The following ARHGEF1 variants were observed in gnomAD, a reference collection of about 807,000 sequenced individuals.
ARHGEF1 encodes 115 kDa guanine nucleotide exchange factor.
In ARHGEF1, 40 loss-of-function variants were observed where a neutral mutation model predicts 119.7. That is an observed-to-expected ratio of 0.33 (90% CI 0.26 to 0.44). ARHGEF1 has a LOEUF of 0.44. Ranked by LOEUF, ARHGEF1 falls within the 20% of genes least tolerant of loss-of-function variation. The pLI, the probability that ARHGEF1 is intolerant of heterozygous loss-of-function variation, is 1.00. For synonymous variants in ARHGEF1, 494 were observed against 521.0 expected (o/e 0.95, Z 0.71); for missense variants, 976 against 1,268.3 (o/e 0.77, Z 3.50).
Position 41,895,034 on chromosome 19 carries a change from A to G in ARHGEF1, c.878-315A>G, listed in dbSNP as rs540730436. 3.2e-5 allele frequency among the ~76,000 whole-genome samples: 4 copies of G among 124,838 alleles called. No individual in the cohort carries two copies. The South Asian group carries it at 1.0e-3, about 32-fold the overall frequency. The allele number at this position is 124,838 out of a possible 152,430, so 81.9% of individuals were successfully genotyped here. On this transcript the variant is annotated intron_variant, in intron 11 of 28. Coordinates refer to ENST00000354532, the MANE Select transcript of ARHGEF1 (RefSeq NM_004706.4). The stretch of plus-strand genomic sequence containing the variant: ...TGGGTCTGAGGGAGGAGCGGCTCAG[A>G]CTCGGACTCTTAGGTCTGAGGAGGA...
Position 41,905,525 on chromosome 19 carries a change from A to G in ARHGEF1, c.2337-235A>G, listed in dbSNP as rs767130033. ...TGTGCATGCGTGTGACAGCATGTGC[A>G]TGCATGTGTGTGTGTGTGCGCATGT... is the stretch of plus-strand genomic sequence containing the variant. On this transcript the variant is annotated intron_variant, in intron 24 of 28. Transcript: ENST00000354532. This position sits in a 1 kb window ranked among gnomAD's most constrained non-coding sequence, Gnocchi z 6.4. 4 of 614,908 alleles carry G rather than the reference A, an allele frequency of 6.5e-6. No individual in the cohort carries two copies. The highest frequency in any genetic ancestry group is 8.6e-6 in the Non-Finnish European group (3 of 349,506). 38.1% of individuals were successfully genotyped at this position (614,908 alleles called of 1,614,324 possible).
chr19:41,913,614 C>G (rs998842640), intron 18 of ARHGEF1, among the ~76,000 whole-genome samples: 3 of 151,678 alleles, frequency 2.0e-5, no homozygotes, highest in Non-Finnish European at 4.4e-5. Context: ...TGCTGCTCAC[C>G]CTGAAGACCC....
downstream of ARHGEF1, among the ~76,000 whole-genome samples, chr19:41,912,242 C>A (rs966640660): frequency 2.0e-5 from 3 of 152,198 alleles, no homozygotes; most frequent in African/African-American, 7.2e-5. Flanking sequence ...TCTAGAAACA[C>A]TGAAGTGTGA....
intron 13 of ARHGEF1, chr19:41,897,431 G>A (rs1395391439): frequency 2.3e-6 from 2 of 875,222 alleles, no homozygotes; most frequent in Non-Finnish European, 3.0e-6. Context: ...TCCCTGTGAG[G>A]GGTGGGTGGG....
chr19:41,902,973 C>A lies in ARHGEF1; in HGVS notation c.1738+75C>A. 1 of 1,220,006 alleles carries A rather than the reference C, an allele frequency of 8.2e-7. No homozygotes were observed. Among genetic ancestry groups the A allele is most frequent in the Non-Finnish European group, 1.1e-6 (1 of 886,642 alleles). 75.6% of individuals were successfully genotyped at this position (1,220,006 alleles called of 1,614,324 possible). On this transcript the variant is annotated intron_variant, in intron 18 of 28. Transcript: ENST00000354532. This position sits in a 1 kb window ranked among gnomAD's most constrained non-coding sequence, Gnocchi z 6.5. The stretch of plus-strand genomic sequence containing the variant: ...CATTTTTTTTCTCACTCATTTTCAT[C>A]AGTGATACCATCACAGCTCACTGCA...
downstream of ARHGEF1, chr19:41,908,101 T>G (rs1056727957): frequency 3.0e-6 from 2 of 674,682 alleles, no homozygotes; most frequent in Non-Finnish European, 2.1e-6. This position sits in a 1 kb window ranked among gnomAD's most constrained non-coding sequence, Gnocchi z 6.7. Context: ...GGAAGGAGAC[T>G]GGGGCAGCAA....
intron 8 of ARHGEF1, among the ~76,000 whole-genome samples, chr19:41,893,717 G>A (rs1381451036): frequency 7.5e-5 from 2 of 26,502 alleles, no homozygotes; most frequent in Non-Finnish European, 1.2e-4. Context: ...GGGCCTGGAC[G>A]TCTGGGTCTG....
chr19:41,924,025 C>A, intron 1 of ARHGEF1, among the ~76,000 whole-genome samples: 1 of 31,902 alleles, frequency 3.1e-5, no homozygotes, highest in South Asian at 1.1e-3. Flanking sequence ...GGTGGGGGTG[C>A]TCTGGGAGGG....
chr19:41,907,977 G>C, downstream of ARHGEF1: 1 of 390,982 alleles, frequency 2.6e-6, no homozygotes, highest in Non-Finnish European at 4.5e-6. Flanking sequence ...CTTTGGGAGT[G>C]GGGCCAGGCG....
rs568581639 is a variant in ARHGEF1, at chr19:41,906,878, C to T, written c.*17+75C>T. On this transcript the variant is annotated intron_variant, in intron 28 of 28. Coordinates refer to ENST00000354532, the MANE Select transcript of ARHGEF1 (RefSeq NM_004706.4). The surrounding 1 kb of genome is among the most constrained non-coding windows in gnomAD (Gnocchi z 4.5). ...CCTCCAGAGCTCGCATCCCTACAGC[C>T]CCTTCTGTCCATCTCCCTCTTTGTC... is the stretch of plus-strand genomic sequence containing the variant. 1.2e-5 allele frequency: 14 copies of T among 1,178,596 alleles called. No homozygotes were observed. The South Asian group carries it at 2.1e-4, about 18-fold the overall frequency. 73.0% of individuals were successfully genotyped at this position (1,178,596 alleles called of 1,614,324 possible). A position where few individuals can be genotyped will look rare whatever the true frequency, so the allele number is the denominator to read the frequency against.
At chr19:41,928,635 A>G (rs1555853551) in intron 1 of ARHGEF1, 1 of 189,404 alleles carries the variant, frequency 5.3e-6, no homozygotes, top group African/African-American at 2.4e-5. Context: ...GGCGCGATCG[A>G]TGGAATATAA....
Position 41,906,381 on chromosome 19 carries a change from C to G in ARHGEF1, c.2492-76C>G. ...CTTCACCTCCAGCCCCTACACATCC[C>G]CTTTGGAATCCCCCATCCCAGATCC... is the stretch of plus-strand genomic sequence containing the variant. On this transcript the variant is annotated intron_variant, in intron 26 of 28. Coordinates refer to ENST00000354532, the MANE Select transcript of ARHGEF1 (RefSeq NM_004706.4). This position sits in a 1 kb window ranked among gnomAD's most constrained non-coding sequence, Gnocchi z 4.5. 7.0e-7 allele frequency: 1 copy of G among 1,436,330 alleles called. No homozygotes were observed. The highest frequency in any genetic ancestry group is 1.4e-5 in the South Asian group (1 of 70,520). The allele number at this position is 1,436,330 out of a possible 1,614,324, so 89.0% of individuals were successfully genotyped here.
At chr19:41,920,252 GCA>G (rs1324866252), upstream of ARHGEF1, among the ~76,000 whole-genome samples, 1 of 105,122 alleles carries the variant, frequency 9.5e-6, no homozygotes, top group Admixed American at 1.3e-4. Flanking sequence ...CAGACGTGAG[GCA>G]CAGACATGAC....
Position 41,892,549 on chromosome 19 carries a change from C to T in ARHGEF1, c.368-54C>T, listed in dbSNP as rs1166313628. 15 of 1,563,880 alleles carry T rather than the reference C, an allele frequency of 9.6e-6. No homozygotes were observed. The highest frequency in any genetic ancestry group is 1.4e-5 in the African/African-American group (1 of 73,026). ...TTGGAGTCCAAGGGTGGGTGGGGAC[C>T]GTGGTCCAAGCCACCAGGGAGCTGG... On this transcript the variant is annotated intron_variant, in intron 6 of 28. Coordinates refer to ENST00000354532, the MANE Select transcript of ARHGEF1 (RefSeq NM_004706.4). The surrounding 1 kb of genome is among the most constrained non-coding windows in gnomAD (Gnocchi z 6.3).
chr19:41,891,030 C>A (rs2074368753), intron 4 of ARHGEF1, among the ~76,000 whole-genome samples: 1 of 152,174 alleles, frequency 6.6e-6, no homozygotes, highest in South Asian at 2.1e-4. Flanking sequence ...TCACCCAGAA[C>A]AGGGGCGGGC....
rs562786582 is a variant in ARHGEF1, at chr19:41,890,665, A to G, written c.226-1360A>G. 1.0e-3 allele frequency: 157 copies of G among 152,024 alleles called. 1 individual carries two copies. The highest frequency in any genetic ancestry group is 6.8e-3 in the Middle Eastern group (2 of 294). 9.4% of individuals were successfully genotyped at this position (152,024 alleles called of 1,614,324 possible). On this transcript the variant is annotated intron_variant, in intron 4 of 28. Coordinates refer to ENST00000354532, the MANE Select transcript of ARHGEF1 (RefSeq NM_004706.4). ...CACAGTGGTACACACCTGTAATTCCAGCTACTCGGGAGGCTGAGGCAGGAG... is the reference window on the plus strand; with the variant it reads ...CACAGTGGTACACACCTGTAATTCCGGCTACTCGGGAGGCTGAGGCAGGAG...
upstream of ARHGEF1, among the ~76,000 whole-genome samples, chr19:41,918,445 C>A (rs1248421046): frequency 6.8e-6 from 1 of 147,560 alleles, no homozygotes; most frequent in African/African-American, 2.5e-5. Context: ...CATAAATACA[C>A]CACACATGCA....
Position 41,905,028 on chromosome 19 carries a change from G to A in ARHGEF1, c.2241G>A (p.Glu747=). 6.2e-7 allele frequency: 1 copy of A among 1,614,174 alleles called. No individual in the cohort carries two copies. Among genetic ancestry groups the A allele is most frequent in the South Asian group, 1.1e-5 (1 of 91,090 alleles). Residue 747 remains glutamate (E), a synonymous_variant, in exon 23 of 29, where the codon GAG becomes GAA. Transcript: ENST00000354532. This position sits in a 1 kb window ranked among gnomAD's most constrained non-coding sequence, Gnocchi z 6.4. Reference sequence around the variant, plus strand: ...AGCTGGTGGCACAGACTGTGTCGGAGCGGAAAAAGTGAGGGGGGGTCTGAG... The same window carrying A: ...AGCTGGTGGCACAGACTGTGTCGGAACGGAAAAAGTGAGGGGGGGTCTGAG... ...IYELVAQTVS[E]RKNWCALITE...
At chr19:41,922,599 A>T (rs2074848701), upstream of ARHGEF1, among the ~76,000 whole-genome samples, 1 of 150,284 alleles carries the variant, frequency 6.7e-6, no homozygotes, top group Non-Finnish European at 1.5e-5. Context: ...CCGGAGAGAG[A>T]CTCCGAGGGA....
Sources: gnomAD v4.1 joint callset for allele counts (sites outside exome capture counted in the v4.1 genomes callset) on GRCh38, gnomAD v4.1.1 for gene constraint, Gnocchi (gnomAD v3.1) non-coding constraint, MANE v1.5 for transcripts, NCBI Gene and HGNC (gene_info 2026-07-23, HGNC 2026-07-21) for gene names.